Variants in ABL2 observed in about 807,000 individuals in gnomAD.
ABL2 encodes tyrosine-protein kinase ABL2.
ABL2 carries 49 observed loss-of-function variants against 107.7 expected under a neutral mutation model. The ratio of observed to expected loss-of-function variants is 0.45; its 90% confidence interval spans 0.36 to 0.58. The LOEUF is 0.58. Ranked by LOEUF, ABL2 falls within the 20% of genes least tolerant of loss-of-function variation. The pLI is 0.00. For missense variants in ABL2, 1,245 were observed against 1,457.0 expected (o/e 0.85, Z 2.37); for synonymous variants, 549 against 548.6 (o/e 1.00, Z -0.01).
In ABL2 at chr1:179,126,503, G is replaced by A. The variant is rs1354770949; in HGVS notation, c.561C>T (p.Leu187=). The A allele has an allele frequency of 1.2e-6, 2 of 1,614,144 alleles. No individual in the cohort carries two copies. Among genetic ancestry groups the A allele is most frequent in the East Asian group, 2.2e-5 (1 of 44,874 alleles). ...PVSRSAAEYL[L]SSLINGSFLV... ...GGAAGCTGCCATTGATTAGACTGCT[G>A]AGCAGATACTCAGCTGCACTGCGTG... The change falls in exon 4 of 12, where the codon CTC becomes CTT. Residue 187 remains leucine (L), a synonymous_variant. Transcript: ENST00000502732. The surrounding 1 kb of genome is among the most constrained non-coding windows in gnomAD (Gnocchi z 4.4).
At chr1:179,188,907 C>A (rs929815565) in intron 1 of ABL2, among the ~76,000 whole-genome samples, 1 of 152,072 alleles carries the variant, frequency 6.6e-6, no homozygotes, top group Non-Finnish European at 1.5e-5. Flanking sequence ...AGAGAAGAGG[C>A]TAAAGGGAGA....
chr1:179,155,288 A>C (rs28914497), intron 1 of ABL2, among the ~76,000 whole-genome samples: 9,085 of 152,322 alleles, frequency 0.06, 383 homozygotes, highest in South Asian at 0.082. Flanking sequence ...TAAACCTAAC[A>C]GACTAATCGG....
At chr1:179,159,403 T>C (rs1197523642) in intron 1 of ABL2, among the ~76,000 whole-genome samples, 1 of 152,224 alleles carries the variant, frequency 6.6e-6, no homozygotes, top group East Asian at 1.9e-4. Flanking sequence ...ACTCAACATA[T>C]TGGCTCAAAT....
chr1:179,156,367 A>C (rs947427964), intron 1 of ABL2, among the ~76,000 whole-genome samples: 1 of 152,242 alleles, frequency 6.6e-6, no homozygotes, highest in African/African-American at 2.4e-5. Flanking sequence ...ATGTGTTAGA[A>C]GTAAGAAGGA....
intron 3 of ABL2, among the ~76,000 whole-genome samples, chr1:179,130,936 ATT>A (rs11382795): frequency 1.4e-5 from 2 of 142,642 alleles, no homozygotes; most frequent in Non-Finnish European, 1.5e-5. Context: ...TTTCAGGATA[ATT>A]TTTTTTTTTT....
intron 1 of ABL2, among the ~76,000 whole-genome samples, chr1:179,144,775 G>C (rs1027646921): frequency 6.6e-6 from 1 of 152,086 alleles, no homozygotes; most frequent in Admixed American, 6.5e-5. Flanking sequence ...ACAAATAAAA[G>C]AGTTAGATGA....
At chr1:179,144,169 G>T (rs538556868) in intron 1 of ABL2, among the ~76,000 whole-genome samples, 1 of 152,002 alleles carries the variant, frequency 6.6e-6, no homozygotes, top group Non-Finnish European at 1.5e-5. Context: ...ATTAAAGAGC[G>T]TTTGTAGGCC....
At chr1:179,124,458 C>A (rs1655538126) in intron 4 of ABL2, among the ~76,000 whole-genome samples, 1 of 103,936 alleles carries the variant, frequency 9.6e-6, no homozygotes, top group Non-Finnish European at 1.9e-5. Flanking sequence ...CTTAGATTAG[C>A]TTCTGCTTTT....
intron 1 of ABL2, among the ~76,000 whole-genome samples, chr1:179,204,862 A>AT (rs1661866259): frequency 6.6e-6 from 1 of 152,158 alleles, no homozygotes. Context: ...TCTGAATCTG[A>AT]TTAATAGACT....
intron 5 of ABL2, 91 bp from the exon 6 acceptor site, chr1:179,120,365 C>A: frequency 4.5e-6 from 3 of 670,358 alleles, no homozygotes; most frequent in Non-Finnish European, 7.5e-6. Context: ...CATAAAGCTT[C>A]AGCTTTAAAA....
chr1:179,177,717 T>C (rs1660129766), intron 1 of ABL2, among the ~76,000 whole-genome samples: 1 of 152,226 alleles, frequency 6.6e-6, no homozygotes, highest in East Asian at 1.9e-4. Flanking sequence ...TGGACAGTCC[T>C]TTTCTGCAAA....
At chr1:179,139,964 A>C (rs1270243366) in intron 1 of ABL2, among the ~76,000 whole-genome samples, 1 of 152,206 alleles carries the variant, frequency 6.6e-6, no homozygotes, top group Non-Finnish European at 1.5e-5. Flanking sequence ...CTGGTGCCAA[A>C]AAGGTTGGGA....
In ABL2 at chr1:179,106,411, A is replaced by T. The variant is rs1342135176; in HGVS notation, c.*1307T>A. 4.3e-6 allele frequency: 1 copy of T among 232,032 alleles called. No homozygotes were observed. Among genetic ancestry groups the T allele is most frequent in the Non-Finnish European group, 8.5e-6 (1 of 117,400 alleles). The allele number at this position is 232,032 out of a possible 1,614,324, so 14.4% of individuals were successfully genotyped here. On this transcript the variant is annotated 3_prime_UTR_variant, in exon 12 of 12. Transcript: ENST00000502732. ...ACTACTCCTTCAATTATGCATTCTT[A>T]AAATAGAAGTGAAATGACAAAATAA...
chr1:179,164,022 T>C (rs1019682430), intron 1 of ABL2, among the ~76,000 whole-genome samples: 2 of 152,108 alleles, frequency 1.3e-5, no homozygotes, highest in Non-Finnish European at 2.9e-5. Flanking sequence ...GGAGAACACA[T>C]CAGTGGCTGC....
intron 1 of ABL2, among the ~76,000 whole-genome samples, chr1:179,164,780 G>A (rs931744211): frequency 6.6e-6 from 1 of 152,186 alleles, no homozygotes; most frequent in African/African-American, 2.4e-5. Context: ...TAGTTTCTAT[G>A]CATGAAATAT....
At chr1:179,148,357 C>T (rs547673549) in intron 1 of ABL2, among the ~76,000 whole-genome samples, 12 of 152,130 alleles carry the variant, frequency 7.9e-5, no homozygotes, top group Admixed American at 2.0e-4. Flanking sequence ...ATTTTTCCAT[C>T]AAGTGCTCAC....
At chr1:179,174,239 G>A (rs1427204956) in intron 1 of ABL2, among the ~76,000 whole-genome samples, 1 of 151,560 alleles carries the variant, frequency 6.6e-6, no homozygotes, top group Non-Finnish European at 1.5e-5. Context: ...AGTGAGCCGA[G>A]ATCGTGCCAC....
chr1:179,198,781 GA>G (rs1257532470), intron 1 of ABL2, among the ~76,000 whole-genome samples: 6 of 146,782 alleles, frequency 4.1e-5, no homozygotes, highest in African/African-American at 1.5e-4. Flanking sequence ...TTTCAAACAT[GA>G]AAACATGAAT....
intron 1 of ABL2, among the ~76,000 whole-genome samples, chr1:179,155,616 A>G (rs891112843): frequency 2.0e-5 from 3 of 151,936 alleles, no homozygotes; most frequent in Non-Finnish European, 1.5e-5. Flanking sequence ...CTTTAGTCCC[A>G]GCTACTCAGG....
Sources: allele counts gnomAD v4.1 joint callset (sites outside exome capture counted in the v4.1 genomes callset), GRCh38; gene constraint gnomAD v4.1.1; non-coding constraint Gnocchi (gnomAD v3.1); transcripts MANE v1.5; gene names NCBI Gene and HGNC (gene_info 2026-07-23, HGNC 2026-07-21).